PUM1: variants seen among roughly 807,000 people sequenced by gnomAD.
The protein encoded by PUM1 is pumilio RNA binding family member 1.
A neutral mutation model predicts 131.8 loss-of-function variants in PUM1; 13 were observed. The ratio of observed to expected loss-of-function variants is 0.10; its 90% CI spans 0.06 to 0.16. PUM1 has a LOEUF of 0.16. Among genes scored for constraint, PUM1 ranks in the 10% least tolerant of loss-of-function variants. The pLI is 1.00. For synonymous variants in PUM1, 509 were observed against 556.5 expected (o/e 0.91, Z 1.20); for missense variants, 961 against 1,512.4 (o/e 0.64, Z 6.05).
chr1:31,054,093 CAAAAAAAAAAAAAAAAA>C (rs368330168), intron 2 of PUM1, among the ~76,000 whole-genome samples: 12 of 54,884 alleles, frequency 2.2e-4, no homozygotes, highest in Admixed American at 5.4e-4. Context: ...GACTTTATTT[CAAAAAAAAAAAAAAAAA>C]AAAAAAAAAA....
rs376153577 is a variant in PUM1 at position 30,942,194 on chromosome 1, TATATATATATATATA to T, written c.2995-86_2995-72del. ...ACCTTCAATGCTTCAGTATTGTTTA[TATATATATATATATA>T]TATATATATATATATATATATATAT... On this transcript the variant is annotated intron_variant, in intron 18 of 21. Transcript: ENST00000426105. 0.36 allele frequency: 58,773 copies of T among 163,416 alleles called. 13,050 individuals carry two copies. Among genetic ancestry groups the T allele is most frequent in the Non-Finnish European group, 0.42 (44,713 of 106,072 alleles). 10.1% of individuals were successfully genotyped at this position (163,416 alleles called of 1,614,324 possible).
intron 3 of PUM1, among the ~76,000 whole-genome samples, chr1:31,014,869 C>T (rs1415862665): frequency 6.6e-6 from 1 of 151,848 alleles, no homozygotes; most frequent in Non-Finnish European, 1.5e-5. Context: ...TGCAGTGGCC[C>T]ACACCTATAA....
rs1215357130 is a variant in PUM1 at position 30,931,811 on chromosome 1, TCA to T, written c.*1398_*1399del. 1 of 152,594 alleles carries T rather than the reference TCA, an allele frequency of 6.6e-6. No homozygotes were observed. Among genetic ancestry groups the T allele is most frequent in the East Asian group, 1.9e-4 (1 of 5,204 alleles). 9.5% of individuals were successfully genotyped at this position (152,594 alleles called of 1,614,324 possible). A position where few individuals can be genotyped will look rare whatever the true frequency, so the allele number is the denominator to read the frequency against. On this transcript the variant is annotated 3_prime_UTR_variant, in exon 22 of 22. Transcript: ENST00000426105. ...CTTCTGTACAAAAGGGAAGGGCGAT[TCA>T]CACTTTACAAGGTGAGAGGGGCTCT...
At chr1:31,053,498 G>T (rs1403848932) in intron 2 of PUM1, among the ~76,000 whole-genome samples, 4 of 147,802 alleles carry the variant, frequency 2.7e-5, no homozygotes, top group Non-Finnish European at 4.5e-5. Context: ...TTGAGACAGG[G>T]TCTCAACTCT....
chr1:31,043,167 G>A (rs536260596), intron 2 of PUM1, among the ~76,000 whole-genome samples: 1 of 152,202 alleles, frequency 6.6e-6, no homozygotes, highest in South Asian at 2.1e-4. Flanking sequence ...CTGGGTGGGG[G>A]AAGCAATTTG....
At chr1:30,995,018 C>A in intron 6 of PUM1, 36 bp downstream of exon 6, 4 of 1,588,450 alleles carry the variant, frequency 2.5e-6, no homozygotes, top group Non-Finnish European at 3.4e-6. Context: ...ATCCCATAGC[C>A]CATATTCAAA....
At chr1:31,042,997 G>A (rs896833033) in intron 2 of PUM1, among the ~76,000 whole-genome samples, 19 of 152,090 alleles carry the variant, frequency 1.2e-4, no homozygotes, top group Non-Finnish European at 2.9e-5. Context: ...TGGGATTACA[G>A]GCATGAGCCA....
chr1:31,043,857 T>C (rs4949336), intron 2 of PUM1, among the ~76,000 whole-genome samples: 46,376 of 151,960 alleles, frequency 0.31, 7,404 homozygotes, highest in Non-Finnish European at 0.34. Flanking sequence ...GTAGATAAAC[T>C]AATCCTCCCA....
intron 2 of PUM1, among the ~76,000 whole-genome samples, chr1:31,045,133 T>G (rs1643920933): frequency 6.6e-6 from 1 of 150,690 alleles, no homozygotes; most frequent in Non-Finnish European, 1.5e-5. Context: ...ACTACAAATC[T>G]GTAAAGCTGC....
chr1:31,062,343 C>T (rs566564895), intron 1 of PUM1, among the ~76,000 whole-genome samples: 6 of 152,222 alleles, frequency 3.9e-5, no homozygotes, highest in African/African-American at 1.2e-4. Context: ...TACAAAGTGT[C>T]CGGACACGGT....
At chr1:31,022,433 CTTAACATCTACATACAG>C (rs1643062485) in intron 3 of PUM1, among the ~76,000 whole-genome samples, 1 of 152,208 alleles carries the variant, frequency 6.6e-6, no homozygotes, top group African/African-American at 2.4e-5. Flanking sequence ...TCCAAGACAG[CTTAACATCTACATACAG>C]TAGTATGTTC....
intron 14 of PUM1, among the ~76,000 whole-genome samples, chr1:30,957,901 G>A (rs1022360702): frequency 6.6e-6 from 1 of 152,136 alleles, no homozygotes; most frequent in Non-Finnish European, 1.5e-5. Flanking sequence ...CAACACCAAG[G>A]TAGCTCTAAA....
intron 2 of PUM1, among the ~76,000 whole-genome samples, chr1:31,033,742 G>C (rs1199290776): frequency 1.3e-5 from 2 of 152,010 alleles, no homozygotes; most frequent in East Asian, 3.9e-4. Flanking sequence ...GCTCACTACA[G>C]CCTCAAACTC....
In PUM1 at chr1:30,932,833, CT is replaced by C. The variant is rs1012123112; in HGVS notation, c.*377del. 24 of 143,774 alleles carry C rather than the reference CT, an allele frequency of 1.7e-4. No individual in the cohort carries two copies. Among genetic ancestry groups the C allele is most frequent in the Non-Finnish European group, 2.3e-4 (15 of 65,694 alleles). The allele number at this position is 143,774 out of a possible 1,614,324, so 8.9% of individuals were successfully genotyped here. ...GAGCTAAAAACCTTTTCCTTTTTTT[CT>C]TTTTTTTTTAAAGCTTTTTTTTTTT... is the stretch of plus-strand genomic sequence containing the variant. On this transcript the variant is annotated 3_prime_UTR_variant, in exon 22 of 22. Transcript: ENST00000426105.
chr1:30,936,884 TAGTG>T (rs1639232681), intron 20 of PUM1, 49 bp from the exon 21 acceptor site: 1 of 1,325,658 alleles, frequency 7.5e-7, no homozygotes. Context: ...AGGCCCCTGT[TAGTG>T]AGGCTGTGCT....
intron 21 of PUM1, 95 bp from the exon 22 acceptor site, chr1:30,933,437 C>CAG: frequency 2.1e-5 from 17 of 802,358 alleles, no homozygotes; most frequent in Non-Finnish European, 2.0e-5. Flanking sequence ...ATCACACACA[C>CAG]ATACACACAC....
chr1:30,984,070 A>G (rs1195611159), intron 7 of PUM1, among the ~76,000 whole-genome samples: 1 of 152,234 alleles, frequency 6.6e-6, no homozygotes, highest in African/African-American at 2.4e-5. Flanking sequence ...AGCAGGAACT[A>G]TTACTTTTAA....
rs1474725907 is a variant in PUM1, at chr1:31,005,796, AG to A, written c.720+56del. 1.9e-4 allele frequency: 23 copies of A among 121,552 alleles called. No individual in the cohort carries two copies. The African/African-American group carries it at 7.2e-3, about 38-fold the overall frequency. 7.5% of individuals were successfully genotyped at this position (121,552 alleles called of 1,614,324 possible). ...GTTTTGCTTTAGGGGAAAAAAAGAG[AG>A]AGAGAGAGAGAGAGAGAGAGAGAGA... On this transcript the variant is annotated intron_variant, in intron 5 of 21. Coordinates refer to ENST00000426105, the MANE Select transcript of PUM1 (RefSeq NM_001020658.2).
intron 5 of PUM1, among the ~76,000 whole-genome samples, chr1:30,999,350 T>TA (rs750887878): frequency 4.6e-5 from 7 of 152,042 alleles, no homozygotes; most frequent in Non-Finnish European, 1.0e-4. Context: ...CTCACACCTG[T>TA]AATCCCAGCA....
Sources: allele counts gnomAD v4.1 joint callset (sites outside exome capture counted in the v4.1 genomes callset), GRCh38; gene constraint gnomAD v4.1.1; transcripts MANE v1.5; gene names NCBI Gene and HGNC (gene_info 2026-07-23, HGNC 2026-07-21).